Variants in ATP8A2 observed in about 807,000 individuals in gnomAD.
The protein encoded by ATP8A2 is ATPase phospholipid transporting 8A2, also known as phospholipid-transporting ATPase IB.
A neutral mutation model predicts 165.6 loss-of-function variants in ATP8A2; 100 were observed. The ratio of observed to expected loss-of-function variants is 0.60; its 90% CI spans 0.51 to 0.71. ATP8A2 has a LOEUF of 0.71. ATP8A2 is among the 30% of genes least tolerant of loss of function. The probability of loss-of-function intolerance (pLI) is 0.00; values close to 1 mark genes in which losing one functional copy is unlikely to be tolerated. For synonymous variants in ATP8A2, 543 were observed against 548.8 expected (o/e 0.99, Z 0.15); for missense variants, 1,227 against 1,479.5 (o/e 0.83, Z 2.80).
At chr13:25,457,909 C>T (rs1405228439) in intron 1 of ATP8A2, among the ~76,000 whole-genome samples, 1 of 152,204 alleles carries the variant, frequency 6.6e-6, no homozygotes, top group African/African-American at 2.4e-5. Flanking sequence ...AGTGAATGAG[C>T]TGGCCTCTGT....
chr13:25,980,919 T>C (rs1956160578), intron 35 of ATP8A2, among the ~76,000 whole-genome samples: 2 of 152,186 alleles, frequency 1.3e-5, no homozygotes, highest in Admixed American at 1.3e-4. Flanking sequence ...ACCTCAATAC[T>C]GTATATAAAA....
chr13:25,968,192 C>A (rs775993090), intron 34 of ATP8A2, among the ~76,000 whole-genome samples: 2 of 152,230 alleles, frequency 1.3e-5, no homozygotes, highest in African/African-American at 2.4e-5. Context: ...GGAACCAGTG[C>A]CTGTTCACTA....
chr13:25,756,131 G>A (rs577831296), intron 25 of ATP8A2, among the ~76,000 whole-genome samples: 37 of 152,300 alleles, frequency 2.4e-4, no homozygotes, highest in African/African-American at 8.2e-4. Context: ...CAGAGGCAGG[G>A]GGATGGTGCT....
chr13:25,480,331 CG>C (rs2036138785), intron 2 of ATP8A2, among the ~76,000 whole-genome samples: 1 of 151,334 alleles, frequency 6.6e-6, no homozygotes, highest in South Asian at 2.1e-4. Context: ...GGGCGGCTGC[CG>C]GGCGGAGACG....
At chr13:25,720,332 T>G (rs1232583488) in intron 25 of ATP8A2, among the ~76,000 whole-genome samples, 1 of 151,746 alleles carries the variant, frequency 6.6e-6, no homozygotes, top group Non-Finnish European at 1.5e-5. Context: ...CAGGCTAATT[T>G]TTTATATTTT....
chr13:25,767,504 A>G (rs2044516183), intron 25 of ATP8A2, among the ~76,000 whole-genome samples: 2 of 152,364 alleles, frequency 1.3e-5, no homozygotes, highest in East Asian at 1.9e-4. Context: ...CTTTGGGAGG[A>G]AAGATGTGAT....
At position 25,654,712 on chromosome 13, in the gene ATP8A2, A is replaced by C. The variant is rs115260066; in HGVS notation, c.2212-44461A>C. ...CCTTGGACTGTAGATATAGACATAGAAGGTCATCTCCCTTTATTTCGCCTT... is the reference window on the plus strand; with the variant it reads ...CCTTGGACTGTAGATATAGACATAGCAGGTCATCTCCCTTTATTTCGCCTT... On this transcript the variant is annotated intron_variant, in intron 24 of 36. Transcript: ENST00000381655. Among the ~76,000 whole-genome samples the C allele has an allele frequency of 8.8e-3, 1,335 of 152,268 alleles. 19 individuals are homozygous for C. The highest frequency in any genetic ancestry group is 0.029 in the African/African-American group (1,218 of 41,530).
At chr13:25,433,839 G>A (rs7322916) in intron 1 of ATP8A2, among the ~76,000 whole-genome samples, 65,119 of 152,030 alleles carry the variant, frequency 0.43, 14,678 homozygotes, top group East Asian at 0.59. Context: ...AACATGGATG[G>A]AGCTGGAAAC....
rs192318021 is a variant in ATP8A2, at chr13:25,638,859, C to T, written c.2211+49160C>T. On this transcript the variant is annotated intron_variant, in intron 24 of 36. Transcript: ENST00000381655. ...AAATGTTAAGGGCAGCCAGAGAGAA[C>T]GGTCGGGTTACCCACAAAGAGAAAC... Among the ~76,000 whole-genome samples, 316 of 152,208 alleles carry T rather than the reference C, an allele frequency of 2.1e-3. 7 individuals are homozygous for T. Among genetic ancestry groups the T allele is most frequent in the Admixed American group, 0.02 (300 of 15,294 alleles).
At chr13:25,941,516 C>T (rs1444282030) in intron 33 of ATP8A2, among the ~76,000 whole-genome samples, 2 of 152,140 alleles carry the variant, frequency 1.3e-5, no homozygotes, top group African/African-American at 2.4e-5. Context: ...CGAAATGGAT[C>T]CTCAATGAAC....
intron 2 of ATP8A2, among the ~76,000 whole-genome samples, chr13:25,477,089 C>T (rs2036016469): frequency 6.6e-6 from 1 of 152,090 alleles, no homozygotes; most frequent in Admixed American, 6.6e-5. Context: ...TTTGGTGTTT[C>T]TAAGGAAACA....
chr13:25,522,502 G>T (rs936895224), intron 2 of ATP8A2, among the ~76,000 whole-genome samples: 6 of 152,068 alleles, frequency 3.9e-5, no homozygotes, highest in African/African-American at 1.4e-4. Flanking sequence ...TAGAGGAAAG[G>T]CTTTCAATTT....
chr13:25,457,004 C>A (rs2035380319), intron 1 of ATP8A2, among the ~76,000 whole-genome samples: 1 of 151,690 alleles, frequency 6.6e-6, no homozygotes, highest in Non-Finnish European at 1.5e-5. Flanking sequence ...CCCCCAAAAA[C>A]TCATCATGTT....
chr13:25,630,141 G>T (rs962172671), intron 24 of ATP8A2, among the ~76,000 whole-genome samples: 1 of 152,080 alleles, frequency 6.6e-6, no homozygotes, highest in African/African-American at 2.4e-5. Flanking sequence ...TTGTGTGCTT[G>T]CTTCTCATGT....
intron 25 of ATP8A2, among the ~76,000 whole-genome samples, chr13:25,709,443 A>G (rs972677785): frequency 6.6e-6 from 1 of 152,200 alleles, no homozygotes; most frequent in African/African-American, 2.4e-5. Context: ...TGTTATCACA[A>G]TTATTTTGCC....
In ATP8A2 at chr13:25,612,552, A is replaced by G. The variant is rs28854827; in HGVS notation, c.2211+22853A>G. On this transcript the variant is annotated intron_variant, in intron 24 of 36. Coordinates refer to ENST00000381655, the MANE Select transcript of ATP8A2 (RefSeq NM_016529.6). The stretch of plus-strand genomic sequence containing the variant: ...TTTACTGATACTTGTTTTGTGGCCT[A>G]TCATATGGTCTAGCTTGGAGAATGT... Among the ~76,000 whole-genome samples the G allele has an allele frequency of 7.3e-3, 1,116 of 152,262 alleles. 11 individuals are homozygous for G. The highest frequency in any genetic ancestry group is 0.025 in the African/African-American group (1,046 of 41,544).
intron 33 of ATP8A2, among the ~76,000 whole-genome samples, chr13:25,867,666 C>A (rs995749708): frequency 2.0e-5 from 3 of 152,194 alleles, no homozygotes; most frequent in African/African-American, 7.2e-5. Flanking sequence ...CCCATCCCCC[C>A]TGCCACAGTG....
chr13:25,937,743 G>A (rs1479537883), intron 33 of ATP8A2, among the ~76,000 whole-genome samples: 1 of 151,200 alleles, frequency 6.6e-6, no homozygotes, highest in Non-Finnish European at 1.5e-5. Flanking sequence ...TAGCTACTTG[G>A]GAGGCTGAGG....
intron 35 of ATP8A2, among the ~76,000 whole-genome samples, chr13:26,001,375 T>C (rs1039439710): frequency 2.0e-5 from 3 of 152,168 alleles, no homozygotes; most frequent in African/African-American, 7.2e-5. Flanking sequence ...CCATTTTCCA[T>C]TCATTTGGGT....
Sources: allele counts gnomAD v4.1 joint callset (sites outside exome capture counted in the v4.1 genomes callset), GRCh38; gene constraint gnomAD v4.1.1; transcripts MANE v1.5; gene names NCBI Gene and HGNC (gene_info 2026-07-23, HGNC 2026-07-21).